The following NAV2 variants were observed in gnomAD, a reference collection of about 807,000 sequenced individuals.
NAV2 encodes the protein neuron navigator 2, also known as helicase, APC down-regulated 1.
A neutral mutation model predicts 223.2 loss-of-function variants in NAV2; 54 were observed. The observed-to-expected ratio is 0.24, with a 90% confidence interval of 0.19 to 0.30. The LOEUF is 0.30. Ranked by LOEUF, NAV2 falls within the 10% of genes least tolerant of loss-of-function variation. NAV2 has a pLI of 1.00. For missense variants in NAV2, 2,806 were observed against 3,147.5 expected (o/e 0.89, Z 2.60); for synonymous variants, 1,279 against 1,239.3 (o/e 1.03, Z -0.67).
At chr11:19,769,270 A>G (rs551062617) in intron 1 of NAV2, among the ~76,000 whole-genome samples, 1 of 152,350 alleles carries the variant, frequency 6.6e-6, no homozygotes, top group Non-Finnish European at 1.5e-5. Flanking sequence ...CTGCTCTACA[A>G]TCTGAGAAAT....
chr11:19,540,678 A>G (rs1460911139), intron 1 of NAV2, among the ~76,000 whole-genome samples: 1 of 152,202 alleles, frequency 6.6e-6, no homozygotes, highest in African/African-American at 2.4e-5. Flanking sequence ...AAAATGCTGT[A>G]GCTGCTCCCC....
At chr11:19,631,672 C>T (rs2047350321) in intron 1 of NAV2, among the ~76,000 whole-genome samples, 1 of 152,214 alleles carries the variant, frequency 6.6e-6, no homozygotes, top group Non-Finnish European at 1.5e-5. Flanking sequence ...GCATTCAAAG[C>T]TGATGAAAGC....
chr11:19,544,952 G>T (rs1320636017), intron 1 of NAV2, among the ~76,000 whole-genome samples: 1 of 152,206 alleles, frequency 6.6e-6, no homozygotes. Flanking sequence ...CCACACATGT[G>T]GAACACCTAG....
At chr11:19,875,076 G>T (rs534300295) in intron 4 of NAV2, among the ~76,000 whole-genome samples, 1 of 152,298 alleles carries the variant, frequency 6.6e-6, no homozygotes, top group Non-Finnish European at 1.5e-5. Context: ...AGAATCACTT[G>T]AATCCAGGAG....
chr11:19,807,904 T>G (rs1484433125), intron 1 of NAV2, among the ~76,000 whole-genome samples: 1 of 152,224 alleles, frequency 6.6e-6, no homozygotes, highest in African/African-American at 2.4e-5. Context: ...GTCCTGTGCT[T>G]GCTTACTTTG....
At chr11:20,082,482 G>T in intron 25 of NAV2, 1 of 1,026,468 alleles carries the variant, frequency 9.7e-7, no homozygotes, top group Non-Finnish European at 1.5e-6. Context: ...TTTATTATTA[G>T]CCATGTTGTG....
chr11:19,957,693 G>A lies in NAV2; in HGVS notation c.2645+8613G>A, dbSNP rs1249384810. Among the ~76,000 whole-genome samples, 6 of 152,296 alleles carry A rather than the reference G, an allele frequency of 3.9e-5. No homozygotes were observed. The East Asian group carries it at 1.2e-3, about 29-fold the overall frequency. ...AGAATAGCTGAGCTGCTAGCCCACT[G>A]GAGGAGGAGAAATTCTCCAGCACTC... On this transcript the variant is annotated intron_variant, in intron 10 of 37. Coordinates refer to ENST00000349880, the MANE Select transcript of NAV2 (RefSeq NM_145117.5).
chr11:19,430,489 G>A (rs1342003394), intron 1 of NAV2, among the ~76,000 whole-genome samples: 2 of 152,192 alleles, frequency 1.3e-5, no homozygotes, highest in Non-Finnish European at 2.9e-5. Flanking sequence ...CTTGCCCTGC[G>A]AGGAGGGGAG....
intron 12 of NAV2, 169 bp from the exon 13 acceptor site, chr11:20,043,812 A>G (rs531644367): frequency 1.5e-5 from 9 of 588,246 alleles, no homozygotes; most frequent in Non-Finnish European, 2.6e-5. Flanking sequence ...CAAAAAAAAA[A>G]AATCAGTCTT....
intron 1 of NAV2, among the ~76,000 whole-genome samples, chr11:19,572,481 T>C (rs1370525281): frequency 6.6e-6 from 1 of 152,208 alleles, no homozygotes; most frequent in Non-Finnish European, 1.5e-5. Context: ...CAAAAGGACT[T>C]GACCTGGGGC....
At chr11:20,077,011 C>T (rs966567630) in intron 22 of NAV2, among the ~76,000 whole-genome samples, 4 of 152,216 alleles carry the variant, frequency 2.6e-5, no homozygotes, top group Non-Finnish European at 4.4e-5. Flanking sequence ...AAGCAAACTA[C>T]GCCAACCATT....
chr11:19,686,928 A>T (rs2152246672), intron 1 of NAV2, among the ~76,000 whole-genome samples: 1 of 152,360 alleles, frequency 6.6e-6, no homozygotes, highest in Non-Finnish European at 1.5e-5. Context: ...TAACCATATG[A>T]GGCGGGCACT....
At position 19,497,509 on chromosome 11, in the gene NAV2, G is replaced by A. The variant is rs138554753; in HGVS notation, c.75+146482G>A. Among the ~76,000 whole-genome samples, 388 of 152,256 alleles carry A rather than the reference G, an allele frequency of 2.5e-3. 1 individual carries two copies. In the Middle Eastern group the frequency reaches 0.027, roughly 11 times the overall value. ...CTCCTTAGAGTGGTCTAGTGTGTTT[G>A]CTATTCCTTGGCTTTTCATGGCCTC... On this transcript the variant is annotated intron_variant, in intron 1 of 37. Transcript: ENST00000360655.
intron 1 of NAV2, among the ~76,000 whole-genome samples, chr11:19,688,910 GC>G (rs2049093706): frequency 6.6e-6 from 1 of 152,016 alleles, no homozygotes; most frequent in African/African-American, 2.4e-5. Flanking sequence ...TGCACAAAGA[GC>G]CCAATTTGGA....
At chr11:19,801,275 G>A (rs117148909) in intron 1 of NAV2, among the ~76,000 whole-genome samples, 3 of 152,268 alleles carry the variant, frequency 2.0e-5, no homozygotes, top group Non-Finnish European at 2.9e-5. Context: ...GTGGTGGTGC[G>A]GCCTGCCCCC....
chr11:19,764,853 G>C (rs1425233), intron 1 of NAV2, among the ~76,000 whole-genome samples: 64,195 of 152,002 alleles, frequency 0.42, 15,135 homozygotes, highest in African/African-American at 0.64. Flanking sequence ...GTCAGTGGCA[G>C]CAACACCTGC....
At chr11:19,968,840 C>T (rs181071531) in intron 10 of NAV2, among the ~76,000 whole-genome samples, 15 of 152,258 alleles carry the variant, frequency 9.9e-5, no homozygotes, top group East Asian at 3.9e-4. Context: ...TGTGTTTCGG[C>T]GACTTCTCAG....
intron 1 of NAV2, among the ~76,000 whole-genome samples, chr11:19,434,202 T>C (rs1289805130): frequency 6.6e-6 from 1 of 152,092 alleles, no homozygotes; most frequent in East Asian, 1.9e-4. Context: ...TCTCAAGAGA[T>C]GGATACTACA....
At chr11:19,765,001 A>G (rs1312480639) in intron 1 of NAV2, among the ~76,000 whole-genome samples, 1 of 152,060 alleles carries the variant, frequency 6.6e-6, no homozygotes, top group East Asian at 1.9e-4. Flanking sequence ...CCTCCCAGAC[A>G]CTACCCTCCT....
Sources: allele counts gnomAD v4.1 joint callset (sites outside exome capture counted in the v4.1 genomes callset), GRCh38; gene constraint gnomAD v4.1.1; transcripts MANE v1.5; gene names NCBI Gene and HGNC (gene_info 2026-07-23, HGNC 2026-07-21).